PKNOX2: variants seen among roughly 807,000 people sequenced by gnomAD.
PKNOX2 encodes homeobox protein PKNOX2.
Under a neutral mutation model 53.1 loss-of-function variants are expected in PKNOX2, and 14 were observed. The observed-to-expected ratio is 0.26, with a 90% confidence interval of 0.17 to 0.41. The LOEUF is 0.41. PKNOX2 is among the 10% of genes least tolerant of loss of function. The pLI, the probability that PKNOX2 is intolerant of heterozygous loss-of-function variation, is 1.00. For synonymous variants in PKNOX2, 257 were observed against 242.8 expected (o/e 1.06, Z -0.54); for missense variants, 496 against 602.8 (o/e 0.82, Z 1.85).
chr11:125,327,415 G>C (rs568922078), intron 2 of PKNOX2, among the ~76,000 whole-genome samples: 2 of 152,186 alleles, frequency 1.3e-5, no homozygotes, highest in African/African-American at 4.8e-5. Context: ...TGAACCATCC[G>C]GGTCATTGGG....
intron 3 of PKNOX2, among the ~76,000 whole-genome samples, chr11:125,345,882 A>G (rs1565502273): frequency 6.6e-6 from 1 of 152,206 alleles, no homozygotes; most frequent in Non-Finnish European, 1.5e-5. Context: ...ATGATTTAGT[A>G]AACAGGTTAT....
intron 4 of PKNOX2, among the ~76,000 whole-genome samples, chr11:125,367,094 C>G (rs1952228761): frequency 6.6e-6 from 1 of 152,120 alleles, no homozygotes; most frequent in African/African-American, 2.4e-5. Flanking sequence ...CATGAAACTC[C>G]ATAGTGATGG....
At chr11:125,219,842 A>G (rs1340870000) in intron 1 of PKNOX2, among the ~76,000 whole-genome samples, 1 of 152,224 alleles carries the variant, frequency 6.6e-6, no homozygotes, top group Non-Finnish European at 1.5e-5. Context: ...GCCATTTCGA[A>G]TATCATCAAA....
At chr11:125,335,920 C>T (rs954015873) in intron 3 of PKNOX2, among the ~76,000 whole-genome samples, 13 of 152,084 alleles carry the variant, frequency 8.5e-5, no homozygotes, top group African/African-American at 2.2e-4. Flanking sequence ...GAAGTGGGTG[C>T]GTGGTCAGAA....
At chr11:125,399,137 A>G (rs527902941) in intron 7 of PKNOX2, among the ~76,000 whole-genome samples, 159 of 152,360 alleles carry the variant, frequency 1.0e-3, no homozygotes, top group African/African-American at 3.6e-3. Context: ...TATCACATCC[A>G]ACCCACCCCA....
At chr11:125,402,886 C>T (rs967584542) in intron 7 of PKNOX2, among the ~76,000 whole-genome samples, 5 of 152,170 alleles carry the variant, frequency 3.3e-5, no homozygotes, top group African/African-American at 1.2e-4. Context: ...ATAAACAAAC[C>T]TCAGTACAGA....
chr11:125,396,321 T>TG (rs1954398017), intron 6 of PKNOX2, among the ~76,000 whole-genome samples: 1 of 150,334 alleles, frequency 6.7e-6, no homozygotes, highest in Admixed American at 6.7e-5. Flanking sequence ...GATTTTTTCC[T>TG]GTTTTTTTTT....
Position 125,351,349 on chromosome 11 carries a change from C to A in PKNOX2, c.44C>A (p.Ala15Asp). 2 of 1,610,356 alleles carry A rather than the reference C, an allele frequency of 1.2e-6. No individual in the cohort carries two copies. The highest frequency in any genetic ancestry group is 1.1e-5 in the South Asian group (1 of 90,440). ...ASPAPALTMM[A>D]TQNVPPPPYQ... ...CCAGCCCCCGCTCTGACGATGATGGCCACGCAGAATGTCCCGCCCCCACCC... is the reference window on the plus strand; with the variant it reads ...CCAGCCCCCGCTCTGACGATGATGGACACGCAGAATGTCCCGCCCCCACCC... Residue 15 changes from alanine to aspartate, a missense_variant, in exon 4 of 13, where the codon GCC (alanine) becomes GAC (aspartate). Physicochemically the swap from Ala to Asp is moderately radical, Grantham distance 126. This residue lies in a region of PKNOX2 where 168 missense variants were observed against 178.4 expected (regional missense o/e 0.94). Coordinates refer to ENST00000298282, the MANE Select transcript of PKNOX2 (RefSeq NM_001382323.2).
At position 125,165,570 on chromosome 11, in the gene PKNOX2, G is replaced by A. The variant is rs1954803623; in HGVS notation, c.-201+794G>A. The stretch of plus-strand genomic sequence containing the variant: ...GGCCTGGGGAGGCAGGGCGAATGAG[G>A]GTTTGCAGACGGATCAGTGGAGACA... On this transcript the variant is annotated intron_variant, in intron 1 of 12. Transcript: ENST00000298282. The surrounding 1 kb of genome is among the most constrained non-coding windows in gnomAD (Gnocchi z 4.5). Among the ~76,000 whole-genome samples the A allele has an allele frequency of 6.6e-6, 1 of 152,196 alleles. No homozygotes were observed. Among genetic ancestry groups the A allele is most frequent in the Non-Finnish European group, 1.5e-5 (1 of 68,024 alleles).
chr11:125,416,753 C>G (rs1163977910), intron 10 of PKNOX2, among the ~76,000 whole-genome samples: 1 of 152,098 alleles, frequency 6.6e-6, no homozygotes, highest in East Asian at 1.9e-4. Flanking sequence ...GATTAATCCA[C>G]AAACTTTGCT....
intron 1 of PKNOX2, among the ~76,000 whole-genome samples, chr11:125,222,733 G>C (rs1311482317): frequency 6.6e-6 from 1 of 150,444 alleles, no homozygotes; most frequent in Admixed American, 6.6e-5. Context: ...GTGTATGTGT[G>C]TGTGTCTGTG....
intron 2 of PKNOX2, among the ~76,000 whole-genome samples, chr11:125,295,183 G>T (rs1386422580): frequency 6.6e-6 from 1 of 152,112 alleles, no homozygotes; most frequent in Non-Finnish European, 1.5e-5. Flanking sequence ...ATGAATCTAA[G>T]GCTTGGAAAC....
At chr11:125,288,796 AG>A (rs1315915052) in intron 2 of PKNOX2, among the ~76,000 whole-genome samples, 57 of 152,316 alleles carry the variant, frequency 3.7e-4, no homozygotes, top group African/African-American at 1.3e-3. Context: ...GAAATGCCTT[AG>A]CATGCCCCCA....
At chr11:125,242,268 G>A (rs1390041689) in intron 2 of PKNOX2, among the ~76,000 whole-genome samples, 7 of 152,180 alleles carry the variant, frequency 4.6e-5, no homozygotes, top group East Asian at 1.9e-4. Flanking sequence ...GGTCTGTAAC[G>A]GGGCCCACTG....
chr11:125,410,412 G>T (rs1252210875), intron 8 of PKNOX2, 87 bp downstream of exon 8: 1 of 1,551,456 alleles, frequency 6.4e-7, no homozygotes, highest in Non-Finnish European at 8.8e-7. Flanking sequence ...GGTGGGGGTT[G>T]TCCTCCACCG....
intron 1 of PKNOX2, among the ~76,000 whole-genome samples, chr11:125,197,306 C>G (rs1417417974): frequency 6.6e-6 from 1 of 152,198 alleles, no homozygotes; most frequent in Non-Finnish European, 1.5e-5. Flanking sequence ...AATTACTGCC[C>G]AGGCTTAGGG....
chr11:125,252,408 G>A (rs1321532622), intron 2 of PKNOX2, among the ~76,000 whole-genome samples: 1 of 152,188 alleles, frequency 6.6e-6, no homozygotes, highest in African/African-American at 2.4e-5. Flanking sequence ...GCTTCAATAT[G>A]TGGAATAGAT....
At chr11:125,282,662 T>C (rs935131879) in intron 2 of PKNOX2, among the ~76,000 whole-genome samples, 4 of 152,238 alleles carry the variant, frequency 2.6e-5, no homozygotes, top group Non-Finnish European at 5.9e-5. Flanking sequence ...TTGAGCTTTA[T>C]AGGTATCCGG....
chr11:125,298,692 T>A (rs980911261), intron 2 of PKNOX2, among the ~76,000 whole-genome samples: 3 of 152,206 alleles, frequency 2.0e-5, no homozygotes, highest in Non-Finnish European at 4.4e-5. Flanking sequence ...AATGAATTGA[T>A]GGATGGATGG....
Sources: allele counts gnomAD v4.1 joint callset (sites outside exome capture counted in the v4.1 genomes callset), GRCh38; gene constraint gnomAD v4.1.1; regional missense constraint gnomAD v4.1.1; non-coding constraint Gnocchi (gnomAD v3.1); transcripts MANE v1.5; gene names NCBI Gene and HGNC (gene_info 2026-07-23, HGNC 2026-07-21).